The following SUCO variants were observed in gnomAD, a reference collection of about 807,000 sequenced individuals.
The protein encoded by SUCO is SUN domain-containing ossification factor.
In SUCO, 57 loss-of-function variants were observed where a neutral mutation model predicts 148.1. The ratio of observed to expected loss-of-function variants is 0.38; its 90% CI spans 0.31 to 0.48. SUCO has a LOEUF of 0.48. SUCO is among the 20% of genes least tolerant of loss of function. The pLI, the probability that SUCO is intolerant of heterozygous loss-of-function variation, is 0.96. For missense variants in SUCO, 1,331 were observed against 1,468.2 expected (o/e 0.91, Z 1.53); for synonymous variants, 470 against 502.7 (o/e 0.93, Z 0.87).
At chr1:172,578,138 CAGT>C (rs921175932) in intron 13 of SUCO, among the ~76,000 whole-genome samples, 157 bp from the exon 14 acceptor site, 1 of 151,894 alleles carries the variant, frequency 6.6e-6, no homozygotes, top group African/African-American at 2.4e-5. Context: ...TTAATTGAAA[CAGT>C]AGATGACTTA....
intron 6 of SUCO, among the ~76,000 whole-genome samples, chr1:172,564,224 C>A (rs1654394214): frequency 6.6e-6 from 1 of 152,248 alleles, no homozygotes; most frequent in Non-Finnish European, 1.5e-5. Flanking sequence ...CCCCAGCATC[C>A]CCACTGGAGC....
At chr1:172,590,853 C>T (rs903579359) in intron 18 of SUCO, 131 bp from the exon 19 acceptor site, 1 of 628,672 alleles carries the variant, frequency 1.6e-6, no homozygotes, top group Non-Finnish European at 2.8e-6. Flanking sequence ...AATTGTATTG[C>T]ATAGGCCTGA....
intron 1 of SUCO, among the ~76,000 whole-genome samples, chr1:172,542,159 C>T (rs1652508404): frequency 6.6e-6 from 1 of 152,086 alleles, no homozygotes; most frequent in African/African-American, 2.4e-5. Flanking sequence ...GCAGGCGGAT[C>T]ACCTGAGGTC....
chr1:172,532,612 G>C, upstream of SUCO: 1 of 1,613,982 alleles, frequency 6.2e-7, no homozygotes, highest in South Asian at 1.1e-5. Flanking sequence ...CACGAACTGT[G>C]CTCAAAAGAG....
intron 22 of SUCO, among the ~76,000 whole-genome samples, chr1:172,603,560 T>A (rs1191035107): frequency 6.6e-6 from 1 of 152,062 alleles, no homozygotes; most frequent in Non-Finnish European, 1.5e-5. Flanking sequence ...TGTGTTTACT[T>A]AAAGCTAGTA....
At chr1:172,577,067 A>C (rs1655499514) in intron 11 of SUCO, 1 of 727,160 alleles carries the variant, frequency 1.4e-6, no homozygotes, top group African/African-American at 1.9e-5. Flanking sequence ...ATACAAGTAT[A>C]AATATCATTC....
rs766394343 is a variant in SUCO at position 172,588,953 on chromosome 1, A to G, written c.1852A>G (p.Ser618Gly). 3.1e-6 allele frequency: 5 copies of G among 1,611,428 alleles called. No individual in the cohort carries two copies. Among genetic ancestry groups the G allele is most frequent in the Admixed American group, 1.7e-5 (1 of 59,610 alleles). Residue 618 changes from serine to glycine, a missense_variant, in exon 18 of 24, where the codon AGT becomes GGT. Coordinates refer to ENST00000263688, the MANE Select transcript of SUCO (RefSeq NM_014283.5). ...WFESETQIFC[S>G]ELTTICCISS... ...TGAGTCAGAGACACAAATATTTTGC[A>G]GTGAACTGACCACAATTTGTTGTAT...
chr1:172,606,143 T>C (rs1657850294), intron 22 of SUCO, among the ~76,000 whole-genome samples: 1 of 151,686 alleles, frequency 6.6e-6, no homozygotes, highest in South Asian at 2.1e-4. Flanking sequence ...GTATATATTA[T>C]TTCTACATAA....
At chr1:172,602,281 A>G (rs1174219439) in intron 21 of SUCO, 63 bp downstream of exon 21, 2 of 1,439,546 alleles carry the variant, frequency 1.4e-6, no homozygotes, top group Admixed American at 5.1e-5. Context: ...ATTTTTGAGA[A>G]ATTTTAAGCA....
chr1:172,555,892 T>C lies in SUCO; in HGVS notation c.312T>C (p.Ser104=). The change falls in exon 4 of 24, where the codon AGT becomes AGC. Residue 104 remains serine (S), a synonymous_variant. Coordinates refer to ENST00000263688, the MANE Select transcript of SUCO (RefSeq NM_014283.5). ...AGAATACAGAGTCAAAAAAGTTAAG[T>C]CCACCGGTGGTGGAGACACTCCCTA... is the stretch of plus-strand genomic sequence containing the variant. ...DVQNTESKKL[S]PPVVETLPTV... is the part of the protein sequence containing the mutation. 6.2e-7 allele frequency: 1 copy of C among 1,612,260 alleles called. No individual in the cohort carries two copies. Among genetic ancestry groups the C allele is most frequent in the Non-Finnish European group, 8.5e-7 (1 of 1,179,044 alleles).
intron 4 of SUCO, chr1:172,556,757 T>G: frequency 1.0e-6 from 1 of 980,742 alleles, no homozygotes; most frequent in Non-Finnish European, 1.2e-6. Context: ...TATTTAAACT[T>G]TTAAATTTAA....
chr1:172,545,917 C>CTTCCTTCCT (rs1553269995), intron 1 of SUCO, among the ~76,000 whole-genome samples: 6 of 151,912 alleles, frequency 3.9e-5, no homozygotes, highest in African/African-American at 1.4e-4. Flanking sequence ...TCCTTCCTTC[C>CTTCCTTCCT]TTCCTTTCCT....
intron 3 of SUCO, among the ~76,000 whole-genome samples, chr1:172,554,970 C>T (rs1048836549): frequency 2.6e-5 from 4 of 151,926 alleles, no homozygotes; most frequent in Non-Finnish European, 5.9e-5. Flanking sequence ...TGTTTGTGCT[C>T]TTGTACTGGC....
upstream of SUCO, chr1:172,533,007 G>C (rs1170564707): frequency 1.4e-6 from 2 of 1,421,914 alleles, no homozygotes; most frequent in Non-Finnish European, 1.8e-6. Context: ...GGGCGCCGCG[G>C]GACTTGGGTG....
chr1:172,537,234 A>G (rs941969139), intron 1 of SUCO, among the ~76,000 whole-genome samples: 2 of 152,212 alleles, frequency 1.3e-5, no homozygotes, highest in African/African-American at 4.8e-5. Flanking sequence ...TAGTAATAGT[A>G]TATTAGTGTA....
intron 22 of SUCO, among the ~76,000 whole-genome samples, chr1:172,607,256 G>A (rs1405080602): frequency 1.3e-5 from 2 of 151,824 alleles, no homozygotes; most frequent in Admixed American, 1.3e-4. Flanking sequence ...TTGAGGCCTA[G>A]AATATAGGTT....
intron 18 of SUCO, 66 bp downstream of exon 18, chr1:172,589,992 C>T: frequency 7.9e-7 from 1 of 1,270,066 alleles, no homozygotes; most frequent in Non-Finnish European, 1.0e-6. Context: ...AGAGTATGAC[C>T]TGTGATTACA....
chr1:172,555,543 G>A (rs1490509089), intron 3 of SUCO, among the ~76,000 whole-genome samples: 1 of 152,162 alleles, frequency 6.6e-6, no homozygotes, highest in Non-Finnish European at 1.5e-5. Flanking sequence ...CATGTCCATA[G>A]GGTTTCTTTG....
At chr1:172,596,896 C>T (rs866307402) in intron 19 of SUCO, among the ~76,000 whole-genome samples, 1 of 152,224 alleles carries the variant, frequency 6.6e-6, no homozygotes, top group African/African-American at 2.4e-5. Context: ...ACGGAGTCTA[C>T]AGAGGCAGGC....
Sources: gnomAD v4.1 joint callset for allele counts (sites outside exome capture counted in the v4.1 genomes callset) on GRCh38, gnomAD v4.1.1 for gene constraint, MANE v1.5 for transcripts, NCBI Gene and HGNC (gene_info 2026-07-23, HGNC 2026-07-21) for gene names.